The following MYO5B variants were observed in gnomAD, a reference collection of about 807,000 sequenced individuals.
MYO5B encodes unconventional myosin-Vb.
A neutral mutation model predicts 229.3 loss-of-function variants in MYO5B; 143 were observed. The ratio of observed to expected loss-of-function variants is 0.62; its 90% CI spans 0.54 to 0.72. The LOEUF (loss-of-function observed/expected upper bound fraction) is 0.72, where lower values mean the gene tolerates loss of function less well. Ranked by LOEUF, MYO5B falls within the 30% of genes least tolerant of loss-of-function variation. MYO5B has a pLI of 0.00. For missense variants in MYO5B, 2,321 were observed against 2,331.0 expected, an observed-to-expected ratio of 1.00 and a Z score of 0.09; for synonymous variants, 918 against 885.2, an observed-to-expected ratio of 1.04 and a Z score of -0.66.
chr18:50,039,886 C>G (rs2029958446), intron 3 of MYO5B, among the ~76,000 whole-genome samples: 1 of 152,156 alleles, frequency 6.6e-6, no homozygotes, highest in Non-Finnish European at 1.5e-5. Flanking sequence ...ACTCCAAGGA[C>G]TGAGCTAAGC....
At chr18:49,879,175 T>A in intron 23 of MYO5B, 85 bp from the exon 24 acceptor site, 2 of 1,564,208 alleles carry the variant, frequency 1.3e-6, no homozygotes. Flanking sequence ...AATCTCTTGT[T>A]AAGAGGCTGC....
At chr18:50,024,861 T>G (rs142348240) in intron 4 of MYO5B, among the ~76,000 whole-genome samples, 1 of 152,188 alleles carries the variant, frequency 6.6e-6, no homozygotes, top group African/African-American at 2.4e-5. Context: ...ATCATGGAGA[T>G]AGTTAAAATT....
intron 1 of MYO5B, among the ~76,000 whole-genome samples, chr18:50,162,778 GCAAC>G: frequency 6.6e-6 from 1 of 152,200 alleles, no homozygotes; most frequent in African/African-American, 2.4e-5. Flanking sequence ...AGCACCATCT[GCAAC>G]CCAGAGGTCA....
At chr18:49,866,595 G>A (rs867980876) in intron 27 of MYO5B, among the ~76,000 whole-genome samples, 4 of 152,132 alleles carry the variant, frequency 2.6e-5, no homozygotes, top group East Asian at 3.9e-4. Context: ...GGAAACAGAC[G>A]AATTTGTGTG....
intron 1 of MYO5B, among the ~76,000 whole-genome samples, chr18:50,117,262 T>A (rs2031980044): frequency 6.6e-6 from 1 of 152,082 alleles, no homozygotes; most frequent in African/African-American, 2.4e-5. Flanking sequence ...AGAGGAAACT[T>A]CAAATTCTCA....
chr18:50,050,159 G>A (rs1444377520), intron 2 of MYO5B, among the ~76,000 whole-genome samples: 2 of 152,226 alleles, frequency 1.3e-5, no homozygotes, highest in African/African-American at 4.8e-5. Context: ...ATTATTAGGA[G>A]ACCCAAAAAC....
chr18:50,032,848 G>T (rs1254138104), intron 4 of MYO5B, among the ~76,000 whole-genome samples: 1 of 152,126 alleles, frequency 6.6e-6, no homozygotes, highest in Non-Finnish European at 1.5e-5. Flanking sequence ...TTAGCTGGGT[G>T]TGGTGGCAGG....
At chr18:50,151,932 A>C (rs1056812409) in intron 1 of MYO5B, among the ~76,000 whole-genome samples, 1 of 152,214 alleles carries the variant, frequency 6.6e-6, no homozygotes, top group Admixed American at 6.5e-5. Context: ...GGGATGCACA[A>C]GACCTGCAGC....
chr18:49,991,126 A>G (rs1027771304), intron 6 of MYO5B, among the ~76,000 whole-genome samples: 8 of 152,196 alleles, frequency 5.3e-5, no homozygotes, highest in East Asian at 3.8e-4. Context: ...TGAGCAAGAC[A>G]TCAGACCCAC....
chr18:50,113,890 C>G (rs995776788), intron 1 of MYO5B, among the ~76,000 whole-genome samples: 50 of 152,154 alleles, frequency 3.3e-4, no homozygotes, highest in Non-Finnish European at 1.2e-4. Context: ...AGCTGCTACA[C>G]CAATTGAAAA....
intron 1 of MYO5B, among the ~76,000 whole-genome samples, chr18:50,105,618 G>C (rs1568108490): frequency 6.6e-6 from 1 of 151,594 alleles, no homozygotes; most frequent in Non-Finnish European, 1.5e-5. Context: ...AAATTACTAT[G>C]TTTGCAGGGT....
Position 49,857,737 on chromosome 18 carries a change from C to T in MYO5B, c.3945-847G>A, listed in dbSNP as rs116519397. ...TCACCCAGTGTCTGCCCCATGCCAG[C>T]AAGGGCAGCTCCTGGAGGTCAGGTG... On this transcript the variant is annotated intron_variant, in intron 29 of 39. Transcript: ENST00000285039. Among the ~76,000 whole-genome samples, 747 of 152,344 alleles carry T rather than the reference C, an allele frequency of 4.9e-3. 9 individuals are homozygous for T. The highest frequency in any genetic ancestry group is 0.017 in the African/African-American group (714 of 41,582).
intron 4 of MYO5B, 107 bp downstream of exon 4, chr18:50,036,743 C>T: frequency 1.5e-6 from 2 of 1,336,556 alleles, no homozygotes; most frequent in South Asian, 2.4e-5. Context: ...TTTCCTCAGT[C>T]CCAATCTCAC....
At chr18:49,994,244 C>T (rs2025963514) in intron 5 of MYO5B, among the ~76,000 whole-genome samples, 1 of 152,150 alleles carries the variant, frequency 6.6e-6, no homozygotes, top group South Asian at 2.1e-4. Flanking sequence ...TTCATGAGGG[C>T]AAAGATTATA....
At chr18:50,016,047 A>C (rs976885208) in intron 4 of MYO5B, among the ~76,000 whole-genome samples, 21 of 152,212 alleles carry the variant, frequency 1.4e-4, no homozygotes, top group Non-Finnish European at 2.9e-4. Context: ...ACAGATTCCC[A>C]ACTGGTAGAG....
At chr18:50,179,089 G>A (rs73959897) in intron 1 of MYO5B, among the ~76,000 whole-genome samples, 150 of 152,268 alleles carry the variant, frequency 9.9e-4, no homozygotes, top group African/African-American at 3.3e-3. Context: ...TCTTAGGGCC[G>A]ATAGCCCAGC....
intron 14 of MYO5B, among the ~76,000 whole-genome samples, chr18:49,943,545 A>G (rs1227767821): frequency 6.6e-6 from 1 of 152,210 alleles, no homozygotes; most frequent in Non-Finnish European, 1.5e-5. Flanking sequence ...TTCCATGTGC[A>G]GTCAAAGCAG....
intron 21 of MYO5B, among the ~76,000 whole-genome samples, chr18:49,902,282 T>G (rs547424415): frequency 8.5e-5 from 9 of 106,426 alleles, no homozygotes; most frequent in African/African-American, 1.2e-4. Context: ...GCCTCCCTCT[T>G]AGGAGGACCC....
intron 18 of MYO5B, 76 bp downstream of exon 18, chr18:49,911,986 G>T: frequency 1.9e-6 from 2 of 1,063,884 alleles, no homozygotes; most frequent in Non-Finnish European, 1.5e-6. Flanking sequence ...AAAAAAAAAT[G>T]TAGATAACGA....
Sources: allele counts gnomAD v4.1 joint callset (sites outside exome capture counted in the v4.1 genomes callset), GRCh38; gene constraint gnomAD v4.1.1; transcripts MANE v1.5; gene names NCBI Gene and HGNC (gene_info 2026-07-23, HGNC 2026-07-21).